Variants in PTPRD observed in about 807,000 individuals in gnomAD.
PTPRD encodes the protein protein tyrosine phosphatase receptor type D.
In PTPRD, 34 loss-of-function variants were observed where a neutral mutation model predicts 214.5. The observed-to-expected ratio is 0.16, with a 90% CI of 0.12 to 0.21. The LOEUF is 0.21. Among genes scored for constraint, PTPRD ranks in the 10% least tolerant of loss-of-function variants. PTPRD has a pLI of 1.00. For synonymous variants in PTPRD, 1,128 were observed against 845.7 expected (o/e 1.33, Z -5.79); for missense variants, 2,545 against 2,398.7 (o/e 1.06, Z -1.27).
At chr9:9,072,218 C>G (rs927518435) in intron 10 of PTPRD, among the ~76,000 whole-genome samples, 3 of 150,854 alleles carry the variant, frequency 2.0e-5, no homozygotes, top group South Asian at 2.1e-4. Context: ...TACCAAAAAG[C>G]TTAGTAGGGT....
At chr9:9,389,532 T>C (rs2065083255) in intron 9 of PTPRD, among the ~76,000 whole-genome samples, 1 of 152,206 alleles carries the variant, frequency 6.6e-6, no homozygotes, top group Admixed American at 6.5e-5. Context: ...TAAAAAAACA[T>C]TAATTATGTT....
Position 10,082,863 on chromosome 9 carries a change from A to ACACACC in PTPRD, c.-544-49074_-544-49073insGGTGTG, listed in dbSNP as rs1225079560. Among the ~76,000 whole-genome samples, 484 of 150,010 alleles carry ACACACC rather than the reference A, an allele frequency of 3.2e-3. 3 individuals carry two copies. Among genetic ancestry groups the ACACACC allele is most frequent in the African/African-American group, 0.011 (429 of 40,716 alleles). Reference sequence around the variant, plus strand: ...CAAACACACACACACACACACACACACCCTAGATTTATTTTGGGGTTGTCA... The same window carrying ACACACC: ...CAAACACACACACACACACACACACACACACCCCCTAGATTTATTTTGGGGTTGTCA... On this transcript the variant is annotated intron_variant, in intron 3 of 45. Transcript: ENST00000381196.
intron 6 of PTPRD, among the ~76,000 whole-genome samples, chr9:9,736,621 T>G (rs747416461): frequency 1.3e-5 from 2 of 152,122 alleles, no homozygotes; most frequent in Admixed American, 1.3e-4. Context: ...CTTTTCTGCT[T>G]AATTTTAGCT....
intron 12 of PTPRD, among the ~76,000 whole-genome samples, chr9:8,680,720 A>C (rs1441670280): frequency 1.3e-5 from 2 of 152,346 alleles, no homozygotes; most frequent in Middle Eastern, 3.4e-3. Context: ...AAATATGCCT[A>C]TACTTCTATA....
At chr9:8,895,909 C>T (rs532596480) in intron 11 of PTPRD, among the ~76,000 whole-genome samples, 17 of 152,276 alleles carry the variant, frequency 1.1e-4, no homozygotes, top group African/African-American at 3.6e-4. Flanking sequence ...TTGTTAATTC[C>T]GAGGTTCAGC....
intron 3 of PTPRD, among the ~76,000 whole-genome samples, chr9:10,206,071 G>C (rs1390938831): frequency 6.6e-6 from 1 of 151,308 alleles, no homozygotes; most frequent in Non-Finnish European, 1.5e-5. Flanking sequence ...GAGGTATCAG[G>C]GAGGGCATCA....
intron 2 of PTPRD, among the ~76,000 whole-genome samples, chr9:10,476,551 T>C (rs1236373931): frequency 2.0e-5 from 3 of 152,112 alleles, no homozygotes; most frequent in African/African-American, 7.2e-5. Context: ...ATTGTGAAAA[T>C]GGCCATGCAG....
chr9:8,935,802 C>G (rs528609578), intron 11 of PTPRD, among the ~76,000 whole-genome samples: 12 of 152,194 alleles, frequency 7.9e-5, no homozygotes, highest in Non-Finnish European at 1.8e-4. Context: ...TAATTTCATT[C>G]TCTTCTCATA....
intron 3 of PTPRD, among the ~76,000 whole-genome samples, chr9:10,101,661 C>T (rs917651735): frequency 2.0e-5 from 3 of 151,636 alleles, no homozygotes; most frequent in African/African-American, 7.3e-5. Context: ...TATTACTACA[C>T]CTATACGGTA....
intron 3 of PTPRD, among the ~76,000 whole-genome samples, chr9:10,083,771 C>A (rs977757572): frequency 6.6e-6 from 1 of 151,902 alleles, no homozygotes; most frequent in African/African-American, 2.4e-5. Context: ...TCATAAGGAG[C>A]ACGCGACCTA....
At chr9:9,931,713 G>C (rs1231353447) in intron 5 of PTPRD, among the ~76,000 whole-genome samples, 5 of 151,668 alleles carry the variant, frequency 3.3e-5, no homozygotes, top group African/African-American at 9.7e-5. Flanking sequence ...CTCGAACTGG[G>C]TGGAGTCCAC....
At chr9:9,845,570 A>C (rs2059375095) in intron 5 of PTPRD, among the ~76,000 whole-genome samples, 1 of 151,748 alleles carries the variant, frequency 6.6e-6, no homozygotes. Flanking sequence ...ATGGCTAGAG[A>C]CTCCAAATCA....
chr9:8,456,153 A>G (rs1255316366), intron 33 of PTPRD, among the ~76,000 whole-genome samples: 2 of 152,190 alleles, frequency 1.3e-5, no homozygotes, highest in Admixed American at 6.5e-5. Flanking sequence ...CAGGCACTCT[A>G]CTAGGCAGTA....
In PTPRD at chr9:9,981,354, A is replaced by T. The variant is rs200276183; in HGVS notation, c.-471-42744T>A. 2.5e-3 allele frequency among the ~76,000 whole-genome samples: 343 copies of T among 138,188 alleles called. 6 individuals are homozygous for T. In the East Asian group the frequency reaches 0.043, roughly 17 times the overall value. The allele number at this position is 138,188 out of a possible 152,430, so 90.7% of individuals were successfully genotyped here. On this transcript the variant is annotated intron_variant, in intron 4 of 45. Coordinates refer to ENST00000381196, the MANE Select transcript of PTPRD (RefSeq NM_002839.4). The stretch of plus-strand genomic sequence containing the variant: ...TTAAAACATATACTCACATTAAACA[A>T]TTTTTTTTTTTTTTTTTTAAGACAG...
chr9:10,508,605 C>G (rs1309171776), intron 2 of PTPRD, among the ~76,000 whole-genome samples: 5 of 152,186 alleles, frequency 3.3e-5, no homozygotes, highest in Admixed American at 6.5e-5. Context: ...ACCATGGATA[C>G]TATGCAGCCA....
intron 12 of PTPRD, among the ~76,000 whole-genome samples, chr9:8,702,233 A>G (rs1456328095): frequency 6.6e-6 from 1 of 151,200 alleles, no homozygotes; most frequent in Admixed American, 6.6e-5. Flanking sequence ...TGGCTGCCAG[A>G]TAAATAAGCA....
intron 8 of PTPRD, among the ~76,000 whole-genome samples, chr9:9,571,630 A>G (rs2086441646): frequency 6.6e-6 from 1 of 151,130 alleles, no homozygotes; most frequent in Admixed American, 6.6e-5. Flanking sequence ...TTAAAGTAAA[A>G]TAATTTTGTT....
At chr9:9,494,162 T>A (rs550497845) in intron 8 of PTPRD, among the ~76,000 whole-genome samples, 3 of 152,188 alleles carry the variant, frequency 2.0e-5, no homozygotes, top group African/African-American at 7.2e-5. Context: ...AGGAGTTGCT[T>A]CTTATAAGTG....
intron 9 of PTPRD, among the ~76,000 whole-genome samples, chr9:9,254,793 C>G (rs868486131): frequency 6.6e-6 from 1 of 152,022 alleles, no homozygotes; most frequent in Non-Finnish European, 1.5e-5. Flanking sequence ...ATTCCTTTTA[C>G]TTTTTGTTCC....
Sources: allele counts gnomAD v4.1 joint callset (sites outside exome capture counted in the v4.1 genomes callset), GRCh38; gene constraint gnomAD v4.1.1; transcripts MANE v1.5; gene names NCBI Gene and HGNC (gene_info 2026-07-23, HGNC 2026-07-21).